The following C6orf89 variants were observed in gnomAD, a reference collection of about 807,000 sequenced individuals.
The protein encoded by C6orf89 is bombesin receptor-activated protein C6orf89.
A neutral mutation model predicts 40.7 loss-of-function variants in C6orf89; 29 were observed. The observed-to-expected ratio is 0.71, with a 90% CI of 0.53 to 0.97. The LOEUF (loss-of-function observed/expected upper bound fraction) is 0.97. C6orf89 is among the 50% of genes least tolerant of loss of function. The pLI is 0.00. For synonymous variants in C6orf89, 165 were observed against 152.2 expected, an observed-to-expected ratio of 1.08 and a Z score of -0.62; for missense variants, 392 against 429.1, an observed-to-expected ratio of 0.91 and a Z score of 0.76.
intron 1 of C6orf89, among the ~76,000 whole-genome samples, chr6:36,893,577 G>C (rs1393883629): frequency 6.6e-6 from 1 of 152,162 alleles, no homozygotes; most frequent in East Asian, 1.9e-4. Flanking sequence ...AACAAGAAAA[G>C]AAACGTATTT....
chr6:36,886,100 C>T (rs1051951913), intron 1 of C6orf89, 72 bp downstream of exon 1: 9 of 1,193,864 alleles, frequency 7.5e-6, no homozygotes, highest in Non-Finnish European at 8.4e-6. Flanking sequence ...CCGTCTCTGA[C>T]ATCCTCGCGC....
chr6:36,900,627 G>C (rs1362223984), intron 3 of C6orf89, among the ~76,000 whole-genome samples: 1 of 151,276 alleles, frequency 6.6e-6, no homozygotes, highest in African/African-American at 2.4e-5. Context: ...AGCCTCCCAA[G>C]TACCTAGGAC....
chr6:36,894,895 C>T (rs985026832), intron 2 of C6orf89, among the ~76,000 whole-genome samples: 5 of 152,020 alleles, frequency 3.3e-5, no homozygotes, highest in East Asian at 1.9e-4. Flanking sequence ...AATTTTAGAG[C>T]GAGACTCTAA....
chr6:36,891,439 G>C (rs982707849), intron 1 of C6orf89, among the ~76,000 whole-genome samples: 5 of 152,144 alleles, frequency 3.3e-5, no homozygotes, highest in African/African-American at 9.7e-5. Context: ...TTTGTGAATA[G>C]TGCCACAATA....
upstream of C6orf89, among the ~76,000 whole-genome samples, chr6:36,881,405 G>A (rs1774803607): frequency 1.3e-5 from 2 of 152,250 alleles, no homozygotes; most frequent in African/African-American, 4.8e-5. Flanking sequence ...AGGCACGGTG[G>A]CCCATGCCTG....
At position 36,925,753 on chromosome 6, in the gene C6orf89, C is replaced by T. The variant is rs994009744; in HGVS notation, c.*2312C>T. ...TGCCAGCCAGTCCCTTTCTGATGAT[C>T]AAGGCCCTGCACAGCAGGATGCCAC... On this transcript the variant is annotated 3_prime_UTR_variant, in exon 9 of 9. Coordinates refer to ENST00000480824, the MANE Select transcript of C6orf89 (RefSeq NM_001286635.2). 4 of 152,248 alleles carry T rather than the reference C, an allele frequency of 2.6e-5. No homozygotes were observed. Among genetic ancestry groups the T allele is most frequent in the African/African-American group, 9.6e-5 (4 of 41,462 alleles). 9.4% of individuals were successfully genotyped at this position (152,248 alleles called of 1,614,324 possible). A position where few individuals can be genotyped will look rare whatever the true frequency, so the allele number is the denominator to read the frequency against.
chr6:36,872,802 G>A (rs1339288658), intron 1 of C6orf89, among the ~76,000 whole-genome samples: 1 of 152,114 alleles, frequency 6.6e-6, no homozygotes, highest in Non-Finnish European at 1.5e-5. Flanking sequence ...TAGAGATGGG[G>A]TTTCACCATG....
rs777899201 is a variant in C6orf89, at chr6:36,919,546, C to CCTTTT, written c.826-30_826-26dup. On this transcript the variant is annotated intron_variant, in intron 7 of 8. Coordinates refer to ENST00000480824, the MANE Select transcript of C6orf89 (RefSeq NM_001286635.2). ...GGTTTTATTTCGTTTTCTTTGCCTT[C>CCTTTT]CTTTTCCTCCCCTCCTCATTCTTTC... 1.3e-5 allele frequency: 20 copies of CCTTTT among 1,595,374 alleles called. 1 individual carries two copies. The South Asian group carries it at 2.1e-4, about 17-fold the overall frequency.
intron 1 of C6orf89, 80 bp downstream of exon 1, chr6:36,886,108 C>T (rs555011430): frequency 1.7e-6 from 2 of 1,176,312 alleles, no homozygotes; most frequent in Non-Finnish European, 2.1e-6. Context: ...GACATCCTCG[C>T]GCAGCCGCTT....
At chr6:36,879,986 T>C (rs1774760510) in intron 2 of C6orf89, among the ~76,000 whole-genome samples, 1 of 152,242 alleles carries the variant, frequency 6.6e-6, no homozygotes, top group Non-Finnish European at 1.5e-5. Context: ...TCACTGGCCT[T>C]TCACACTGGC....
chr6:36,922,838 C>T (rs1762557934), intron 8 of C6orf89, among the ~76,000 whole-genome samples: 1 of 152,192 alleles, frequency 6.6e-6, no homozygotes, highest in African/African-American at 2.4e-5. Context: ...TGTGTCCCCT[C>T]GGAATCCATT....
intron 7 of C6orf89, among the ~76,000 whole-genome samples, chr6:36,917,981 T>G (rs761319069): frequency 4.6e-5 from 7 of 152,216 alleles, no homozygotes; most frequent in Non-Finnish European, 8.8e-5. Context: ...CAGGCAAAAC[T>G]CTTGAGAACC....
At chr6:36,921,203 G>A (rs963868228) in intron 8 of C6orf89, among the ~76,000 whole-genome samples, 2 of 143,860 alleles carry the variant, frequency 1.4e-5, no homozygotes, top group Non-Finnish European at 3.1e-5. Flanking sequence ...GAAGAGGAGA[G>A]CAAGTCTGGG....
At chr6:36,911,218 A>G (rs563753057) in intron 4 of C6orf89, among the ~76,000 whole-genome samples, 1 of 152,244 alleles carries the variant, frequency 6.6e-6, no homozygotes, top group Non-Finnish European at 1.5e-5. Flanking sequence ...GGCTGGGCGC[A>G]GTGGCTCACG....
intron 6 of C6orf89, among the ~76,000 whole-genome samples, chr6:36,915,701 G>A (rs1219017913): frequency 4.0e-5 from 6 of 148,368 alleles, no homozygotes; most frequent in African/African-American, 1.2e-4. Flanking sequence ...GTGAGACCCT[G>A]TTTCAAAAAA....
chr6:36,901,332 T>TATTATTACTA (rs1761697664), intron 3 of C6orf89, among the ~76,000 whole-genome samples: 1 of 54,702 alleles, frequency 1.8e-5, no homozygotes, highest in African/African-American at 6.0e-5. Flanking sequence ...TTTTTTTTTT[T>TATTATTACTA]TTTTTTTTTT....
rs190465276 is a variant in C6orf89 at position 36,908,021 on chromosome 6, T to C, written c.403+5587T>C. ...CAAGCTGGAGTCTGGCCACATCTCT[T>C]TCTGTTGTCAGGGACTCTGTGGGGA... On this transcript the variant is annotated intron_variant, in intron 4 of 8. Coordinates refer to ENST00000480824, the MANE Select transcript of C6orf89 (RefSeq NM_001286635.2). 2.0e-5 allele frequency among the ~76,000 whole-genome samples: 3 copies of C among 152,278 alleles called. No homozygotes were observed. In the East Asian group the frequency reaches 5.8e-4, roughly 29 times the overall value.
chr6:36,899,342 A>ACAGAT (rs1468197930), intron 2 of C6orf89, 84 bp from the exon 3 acceptor site: 29 of 1,272,590 alleles, frequency 2.3e-5, no homozygotes, highest in Non-Finnish European at 3.2e-5. Flanking sequence ...GTCCTTCTCT[A>ACAGAT]CAGATGGTCA....
chr6:36,874,747 C>T (rs781636154), intron 1 of C6orf89: 28 of 1,614,038 alleles, frequency 1.7e-5, no homozygotes, highest in Non-Finnish European at 1.7e-6. Context: ...GGGTGGCTGC[C>T]AGGAATCTGG....
Sources: allele counts gnomAD v4.1 joint callset (sites outside exome capture counted in the v4.1 genomes callset), GRCh38; gene constraint gnomAD v4.1.1; transcripts MANE v1.5; gene names NCBI Gene and HGNC (gene_info 2026-07-23, HGNC 2026-07-21).